The following NCKAP5 variants were observed in gnomAD, a reference collection of about 807,000 sequenced individuals.
NCKAP5 encodes the protein NCK associated protein 5, also known as nck-associated protein 5.
NCKAP5 carries 92 observed loss-of-function variants against 167.0 expected under a neutral mutation model. The ratio of observed to expected loss-of-function variants is 0.55; its 90% CI spans 0.47 to 0.66. The LOEUF (loss-of-function observed/expected upper bound fraction) is 0.66, where lower values mean the gene tolerates loss of function less well. NCKAP5 is among the 30% of genes least tolerant of loss of function. The pLI is 0.00. For missense variants in NCKAP5, 2,378 were observed against 2,315.0 expected (o/e 1.03, Z -0.56); for synonymous variants, 891 against 877.4 (o/e 1.02, Z -0.27).
chr2:132,735,452 A>G (rs1691420910), intron 16 of NCKAP5, among the ~76,000 whole-genome samples: 3 of 152,224 alleles, frequency 2.0e-5, no homozygotes, highest in Admixed American at 2.0e-4. Flanking sequence ...ACCTTCCATC[A>G]TGATTGGAAG....
chr2:132,759,712 CTG>C (rs1680840398), intron 16 of NCKAP5, among the ~76,000 whole-genome samples: 1 of 151,464 alleles, frequency 6.6e-6, no homozygotes, highest in East Asian at 1.9e-4. Flanking sequence ...TTCAATTTTC[CTG>C]TGTTGATGTT....
At chr2:132,996,547 C>A (rs2077606012) in intron 6 of NCKAP5, among the ~76,000 whole-genome samples, 1 of 152,178 alleles carries the variant, frequency 6.6e-6, no homozygotes, top group Non-Finnish European at 1.5e-5. Flanking sequence ...TGATCTCCTG[C>A]TTCTTTGAAT....
intron 3 of NCKAP5, among the ~76,000 whole-genome samples, chr2:133,311,008 C>G (rs2150612176): frequency 6.6e-6 from 1 of 152,268 alleles, no homozygotes; most frequent in South Asian, 2.1e-4. Context: ...TATACGTCAA[C>G]CAAACAATTC....
At chr2:132,765,308 CTTTTTTTTTTT>C (rs1170247644) in intron 16 of NCKAP5, among the ~76,000 whole-genome samples, 1 of 114,290 alleles carries the variant, frequency 8.7e-6, no homozygotes, top group African/African-American at 3.4e-5. Flanking sequence ...TTCTTTCTTT[CTTTTTTTTTTT>C]TTTTTTTTTT....
intron 16 of NCKAP5, among the ~76,000 whole-genome samples, chr2:132,754,387 T>TA (rs397800268): frequency 6.6e-6 from 1 of 152,060 alleles, no homozygotes; most frequent in Non-Finnish European, 1.5e-5. Context: ...ACCTACTATT[T>TA]ATTCAAGCAA....
At chr2:133,470,970 T>C (rs936133434) in intron 3 of NCKAP5, among the ~76,000 whole-genome samples, 6 of 152,246 alleles carry the variant, frequency 3.9e-5, no homozygotes, top group African/African-American at 1.4e-4. Context: ...ATCACCCGTC[T>C]TCTGCATCGC....
intron 17 of NCKAP5, among the ~76,000 whole-genome samples, chr2:132,730,698 A>G (rs2105473272): frequency 6.6e-6 from 1 of 152,360 alleles, no homozygotes; most frequent in South Asian, 2.1e-4. Flanking sequence ...GTGACTATTC[A>G]GGCATGGAGT....
chr2:133,649,812 T>A, the NCKAP5 span, among the ~76,000 whole-genome samples: 1 of 152,126 alleles, frequency 6.6e-6, no homozygotes, highest in South Asian at 2.1e-4. Flanking sequence ...CAAGACAAAA[T>A]TTCCCATTCT....
intron 3 of NCKAP5, among the ~76,000 whole-genome samples, chr2:133,490,913 G>A (rs1681381088): frequency 6.6e-6 from 1 of 152,212 alleles, no homozygotes; most frequent in South Asian, 2.1e-4. Context: ...TATGATTTCT[G>A]TTAAGAGGAG....
chr2:132,934,406 C>G (rs909096420), intron 8 of NCKAP5, among the ~76,000 whole-genome samples: 3 of 152,130 alleles, frequency 2.0e-5, no homozygotes, highest in African/African-American at 7.2e-5. Context: ...AACCCCATCT[C>G]TACTAAAAAT....
intron 6 of NCKAP5, among the ~76,000 whole-genome samples, chr2:133,072,609 A>T (rs147451918): frequency 6.6e-6 from 1 of 152,290 alleles, no homozygotes; most frequent in East Asian, 1.9e-4. Context: ...ATTATTGTAT[A>T]ACACATGCCA....
chr2:132,681,049 G>A (rs891166701), intron 19 of NCKAP5, among the ~76,000 whole-genome samples: 1 of 151,802 alleles, frequency 6.6e-6, no homozygotes, highest in African/African-American at 2.4e-5. Flanking sequence ...CCAGAATTGG[G>A]CAAACAAGAC....
intron 4 of NCKAP5, among the ~76,000 whole-genome samples, chr2:133,234,755 T>G (rs2087316554): frequency 6.6e-6 from 1 of 151,980 alleles, no homozygotes; most frequent in Non-Finnish European, 1.5e-5. Flanking sequence ...TATGTCAAAT[T>G]TTACTTTTAA....
intron 3 of NCKAP5, among the ~76,000 whole-genome samples, chr2:133,395,621 T>A (rs1172114605): frequency 6.6e-6 from 1 of 152,166 alleles, no homozygotes; most frequent in Non-Finnish European, 1.5e-5. Context: ...GCCCCAACTG[T>A]CACATACATA....
Position 132,784,644 on chromosome 2 carries a change from T to C in NCKAP5, c.2167A>G (p.Arg723Gly). The part of the protein sequence containing the change: ...LPQGIACLQP[R>G]AAARDYTFFK... ...AAAGTATAGTCTCTTGCAGCAGCTC[T>C]TGGCTGTAAACAAGCAATTCCCTGA... The change falls in exon 14 of 20, where the codon AGA becomes GGA. Residue 723 changes from arginine to glycine, a missense_variant. Physicochemically the swap from Arg to Gly is moderately radical, Grantham distance 125. This residue lies in a region of NCKAP5 where 1,049 missense variants were observed against 1,023.4 expected (regional missense o/e 1.02). Coordinates refer to ENST00000409261, the MANE Select transcript of NCKAP5 (RefSeq NM_207363.3). 2 of 1,613,908 alleles carry C rather than the reference T, an allele frequency of 1.2e-6. No homozygotes were observed. Among genetic ancestry groups the C allele is most frequent in the Non-Finnish European group, 1.7e-6 (2 of 1,179,826 alleles).
At chr2:132,773,668 T>TAG in intron 16 of NCKAP5, 148 bp downstream of exon 16, 1 of 602,944 alleles carries the variant, frequency 1.7e-6, no homozygotes, top group African/African-American at 1.9e-5. Flanking sequence ...TAACGTCCAA[T>TAG]GTCTAAGGAG....
At chr2:133,494,833 G>T (rs183766506) in intron 3 of NCKAP5, among the ~76,000 whole-genome samples, 1 of 152,200 alleles carries the variant, frequency 6.6e-6, no homozygotes, top group Non-Finnish European at 1.5e-5. Context: ...CTTTGAAATG[G>T]CCCTGCAAAG....
chr2:133,464,915 T>A (rs1257600308), intron 3 of NCKAP5, among the ~76,000 whole-genome samples: 1 of 151,630 alleles, frequency 6.6e-6, no homozygotes, highest in East Asian at 1.9e-4. Flanking sequence ...GATGTTTCCA[T>A]CTGTAACTTG....
At chr2:132,738,669 T>A (rs936586963) in intron 16 of NCKAP5, among the ~76,000 whole-genome samples, 1 of 152,178 alleles carries the variant, frequency 6.6e-6, no homozygotes, top group South Asian at 2.1e-4. Context: ...TAAGACTGAA[T>A]AACTTATAAA....
Sources: gnomAD v4.1 joint callset for allele counts (sites outside exome capture counted in the v4.1 genomes callset) on GRCh38, gnomAD v4.1.1 for gene constraint, gnomAD v4.1.1 regional missense constraint, MANE v1.5 for transcripts, NCBI Gene and HGNC (gene_info 2026-07-23, HGNC 2026-07-21) for gene names.